The following EHD1 variants were observed in gnomAD, a reference collection of about 807,000 sequenced individuals.
EHD1 encodes EH domain containing 1.
Under a neutral mutation model 39.0 loss-of-function variants are expected in EHD1, and 19 were observed. That is an observed-to-expected ratio of 0.49 (90% CI 0.34 to 0.72). The LOEUF is 0.72. Among genes scored for constraint, EHD1 ranks in the 30% least tolerant of loss-of-function variants. The pLI, the probability that EHD1 is intolerant of heterozygous loss-of-function variation, is 0.01. For missense variants in EHD1, 542 were observed against 751.5 expected (o/e 0.72, Z 3.26); for synonymous variants, 323 against 331.2 (o/e 0.98, Z 0.27).
chr11:64,854,897 G>GC, intron 4 of EHD1, 40 bp from the exon 5 acceptor site: 1 of 1,579,544 alleles, frequency 6.3e-7, no homozygotes, highest in African/African-American at 1.3e-5. Context: ...GGGAAGGGAG[G>GC]CCCCTCCCAG....
At chr11:64,865,791 A>G (rs553815412) in intron 2 of EHD1, among the ~76,000 whole-genome samples, 1 of 152,354 alleles carries the variant, frequency 6.6e-6, no homozygotes, top group East Asian at 1.9e-4. Flanking sequence ...AGAAATGCAA[A>G]TCAAACCACA....
Position 64,878,256 on chromosome 11 carries a change from C to G in EHD1, c.209G>C (p.Gly70Ala), listed in dbSNP as rs1221915586. Residue 70 changes from glycine (G) to alanine (A), a missense_variant, in exon 1 of 5, where the codon GGC (glycine) becomes GCC (alanine). Coordinates refer to ENST00000320631, the MANE Select transcript of EHD1 (RefSeq NM_006795.4). Reference protein sequence around the residue: ...MVLLVGQYSTGKTTFIRHLIE... With the variant: ...MVLLVGQYSTAKTTFIRHLIE... ...CAGGTGTCGGATGAAGGTGGTCTTG[C>G]CCGTGCTGTACTGCCCCACGAGGAG... 1 of 1,614,126 alleles carries G rather than the reference C, an allele frequency of 6.2e-7. No homozygotes were observed.
Position 64,858,026 on chromosome 11 carries a change from CTTT to C in EHD1, c.915+1895_915+1897del, listed in dbSNP as rs11327531. ...TGGAGATAGGAGCTACGGCAAGGGC[CTTT>C]TTTTTTTTTTTTTTTTTTAAATTAA... On this transcript the variant is annotated intron_variant, in intron 3 of 4. Transcript: ENST00000320631. Among the ~76,000 whole-genome samples the C allele has an allele frequency of 5.7e-3, 699 of 121,796 alleles. 9 individuals carry two copies. Among genetic ancestry groups the C allele is most frequent in the African/African-American group, 0.019 (634 of 33,772 alleles). The allele number at this position is 121,796 out of a possible 152,430, so 79.9% of individuals were successfully genotyped here. A position where few individuals can be genotyped will look rare whatever the true frequency, so the allele number is the denominator to read the frequency against.
intron 2 of EHD1, among the ~76,000 whole-genome samples, chr11:64,870,671 C>T (rs1943819210): frequency 6.6e-6 from 1 of 152,262 alleles, no homozygotes; most frequent in African/African-American, 2.4e-5. Context: ...ACTGGCCGGG[C>T]TGCCCACAGA....
chr11:64,855,351 C>T lies in EHD1; in HGVS notation c.1051G>A (p.Gly351Arg). ...ATCTTGCGGAGGCTCGGGAAGTCCCCAGGGGAGATCTGGTGCTCGCGCTCA... is the reference window on the plus strand; with the variant it reads ...ATCTTGCGGAGGCTCGGGAAGTCCCTAGGGGAGATCTGGTGCTCGCGCTCA... ...KIEREHQISP[G>R]DFPSLRKMQE... Residue 351 changes from glycine (G) to arginine (R), a missense_variant, in exon 4 of 5, where the codon GGG becomes AGG. Gly to Arg is a moderately radical substitution (Grantham distance 125). Coordinates refer to ENST00000320631, the MANE Select transcript of EHD1 (RefSeq NM_006795.4). 2 of 1,614,120 alleles carry T rather than the reference C, an allele frequency of 1.2e-6. No homozygotes were observed. Among genetic ancestry groups the T allele is most frequent in the Non-Finnish European group, 1.7e-6 (2 of 1,180,016 alleles).
intron 4 of EHD1, 130 bp downstream of exon 4, chr11:64,855,192 A>G: frequency 7.3e-7 from 1 of 1,367,512 alleles, no homozygotes; most frequent in Non-Finnish European, 9.7e-7. Flanking sequence ...GGTGCTGGTG[A>G]TTAACCCAGC....
rs1450609993 is a variant in EHD1 at position 64,854,734 on chromosome 11, ACTC to A, written c.1201_1203del (p.Glu401del). 1 of 1,611,144 alleles carries A rather than the reference ACTC, an allele frequency of 6.2e-7. No individual in the cohort carries two copies. The highest frequency in any genetic ancestry group is 1.3e-5 in the African/African-American group (1 of 74,548). On this transcript the variant is annotated inframe_deletion, in exon 5 of 5. Transcript: ENST00000320631. ...TTGACCACCTGGGAAGGCATCAGGG[ACTC>A]CTCCTGCCGCACCATCACCATCAGC...
Position 64,860,018 on chromosome 11 carries a change from T to G in EHD1, c.821A>C (p.Glu274Ala). Residue 274 changes from glutamate (E) to alanine (A), a missense_variant, in exon 3 of 5, where the codon GAG (glutamate) becomes GCG (alanine). Physicochemically the swap from Glu to Ala is moderately radical, Grantham distance 107. Coordinates refer to ENST00000320631, the MANE Select transcript of EHD1 (RefSeq NM_006795.4). ...GATGTCCTTGAAGAGGTCCTGCTCC[T>G]CGGCCTCAAAGAGCTTGCGGTTGTC... is the stretch of plus-strand genomic sequence containing the variant. ...IPDNRKLFEA[E>A]EQDLFKDIQS... 6.2e-7 allele frequency: 1 copy of G among 1,614,076 alleles called. No homozygotes were observed. Among genetic ancestry groups the G allele is most frequent in the Non-Finnish European group, 8.5e-7 (1 of 1,180,024 alleles).
At chr11:64,865,139 C>T (rs1943754187) in intron 2 of EHD1, among the ~76,000 whole-genome samples, 1 of 152,228 alleles carries the variant, frequency 6.6e-6, no homozygotes, top group Non-Finnish European at 1.5e-5. Context: ...CAGTGACTGG[C>T]CAGCCACACC....
upstream of EHD1, chr11:64,879,561 TCAC>T (rs1225241291): frequency 6.5e-7 from 1 of 1,548,134 alleles, no homozygotes; most frequent in South Asian, 1.2e-5. Context: ...CCTCTCGGGG[TCAC>T]CACCATTTAC....
upstream of EHD1, chr11:64,879,173 A>C: frequency 9.6e-7 from 1 of 1,038,204 alleles, no homozygotes; most frequent in East Asian, 9.4e-5. Flanking sequence ...TGGGAGAGGG[A>C]GAGACAGGAA....
intron 2 of EHD1, among the ~76,000 whole-genome samples, chr11:64,873,934 C>A (rs1460317570): frequency 6.6e-6 from 1 of 151,244 alleles, no homozygotes; most frequent in Non-Finnish European, 1.5e-5. Flanking sequence ...ACCTCGGCCT[C>A]CCAAAGTGCT....
At chr11:64,878,001 C>G in intron 1 of EHD1, 60 bp downstream of exon 1, 1 of 1,457,092 alleles carries the variant, frequency 6.9e-7, no homozygotes, top group Admixed American at 2.5e-5. Flanking sequence ...GAGGGTCAGG[C>G]TCCGAGTGAG....
intron 2 of EHD1, among the ~76,000 whole-genome samples, chr11:64,871,701 G>T (rs536108217): frequency 6.6e-6 from 1 of 152,266 alleles, no homozygotes; most frequent in South Asian, 2.1e-4. Context: ...GCCCATAATG[G>T]GTAGAGATGA....
intron 3 of EHD1, 44 bp downstream of exon 3, chr11:64,859,880 G>C (rs757007969): frequency 1.3e-6 from 2 of 1,571,414 alleles, no homozygotes; most frequent in Admixed American, 3.5e-5. Flanking sequence ...AGAGCCCCAT[G>C]GCCCTGCCTG....
At chr11:64,859,069 C>G (rs1285098055) in intron 3 of EHD1, among the ~76,000 whole-genome samples, 1 of 152,236 alleles carries the variant, frequency 6.6e-6, no homozygotes, top group African/African-American at 2.4e-5. Flanking sequence ...TGGGACAGCC[C>G]CTAGCGCCAG....
At chr11:64,865,260 G>A (rs1051475284) in intron 2 of EHD1, among the ~76,000 whole-genome samples, 15 of 152,236 alleles carry the variant, frequency 9.9e-5, no homozygotes, top group African/African-American at 3.6e-4. Context: ...CCAGGCCCTC[G>A]CTGCCCTCAA....
intron 2 of EHD1, among the ~76,000 whole-genome samples, chr11:64,871,925 A>G (rs1007236448): frequency 9.8e-5 from 15 of 152,332 alleles, no homozygotes; most frequent in Middle Eastern, 3.4e-3. Context: ...CTTGCTCCCA[A>G]TCAAAACGCC....
Position 64,874,492 on chromosome 11 carries a change from G to T in EHD1, c.431C>A (p.Pro144His). The change falls in exon 2 of 5, where the codon CCC becomes CAC. Residue 144 changes from proline (P) to histidine (H), a missense_variant. Coordinates refer to ENST00000320631, the MANE Select transcript of EHD1 (RefSeq NM_006795.4). ...GATGATGCTGATGCTGTCCAGGACG[G>T]GGTTGGGCAGCTGGGCACACATGAA... ...NRFMCAQLPN[P>H]VLDSISIIDT... 1 of 1,610,180 alleles carries T rather than the reference G, an allele frequency of 6.2e-7. No homozygotes were observed. Among genetic ancestry groups the T allele is most frequent in the East Asian group, 2.2e-5 (1 of 44,776 alleles).
Sources: gnomAD v4.1 joint callset for allele counts (sites outside exome capture counted in the v4.1 genomes callset) on GRCh38, gnomAD v4.1.1 for gene constraint, MANE v1.5 for transcripts, NCBI Gene and HGNC (gene_info 2026-07-23, HGNC 2026-07-21) for gene names.